Variants in RBFOX1 observed in about 807,000 individuals in gnomAD.
RBFOX1 encodes the protein RNA binding fox-1 homolog 1.
In RBFOX1, 8 loss-of-function variants were observed where a neutral mutation model predicts 57.7. That is an observed-to-expected ratio of 0.14 (90% confidence interval 0.08 to 0.25). The LOEUF (loss-of-function observed/expected upper bound fraction) is 0.25. RBFOX1 is among the 10% of genes least tolerant of loss of function. The pLI is 1.00. For synonymous variants in RBFOX1, 326 were observed against 222.4 expected (o/e 1.47, Z -4.15); for missense variants, 611 against 548.5 (o/e 1.11, Z -1.14).
In RBFOX1 at chr16:7,710,844, TAAAAA is replaced by T; in HGVS notation, c.*109_*113del. Reference sequence around the variant, plus strand: ...CAGTAGTACATCATTTTAGCAACTCTAAAAAAAAAAAAAATACAAATAAAAAGGAA... The same window carrying T: ...CAGTAGTACATCATTTTAGCAACTCTAAAAAAAAATACAAATAAAAAGGAA... On this transcript the variant is annotated 3_prime_UTR_variant, in exon 16 of 16. Coordinates refer to ENST00000550418, the MANE Select transcript of RBFOX1 (RefSeq NM_018723.4). 1.2e-6 allele frequency: 1 copy of T among 826,696 alleles called. No individual in the cohort carries two copies. The highest frequency in any genetic ancestry group is 1.6e-6 in the Non-Finnish European group (1 of 620,352). The allele number at this position is 826,696 out of a possible 1,614,324, so 51.2% of individuals were successfully genotyped here.
At chr16:5,392,491 A>G (rs960752444) in intron 1 of RBFOX1, among the ~76,000 whole-genome samples, 7 of 151,388 alleles carry the variant, frequency 4.6e-5, no homozygotes, top group Admixed American at 2.0e-4. Flanking sequence ...TGTCTACCCA[A>G]TGTGGGATGG....
At chr16:6,511,152 C>T (rs777915869) in intron 2 of RBFOX1, among the ~76,000 whole-genome samples, 8 of 152,104 alleles carry the variant, frequency 5.3e-5, no homozygotes, top group South Asian at 4.1e-4. Flanking sequence ...TGGTGTTACG[C>T]TGGGTTGGTG....
chr16:6,753,442 G>T (rs1346961415), intron 3 of RBFOX1, among the ~76,000 whole-genome samples: 10 of 152,144 alleles, frequency 6.6e-5, no homozygotes. Flanking sequence ...ATTTAGGGAT[G>T]CTTTCAGGAC....
At chr16:6,615,729 T>A (rs1374522282) in intron 2 of RBFOX1, among the ~76,000 whole-genome samples, 1 of 152,192 alleles carries the variant, frequency 6.6e-6, no homozygotes, top group African/African-American at 2.4e-5. Flanking sequence ...TTTCCCTCCT[T>A]TGAAAGTCTC....
At chr16:6,344,083 A>G (rs1238016083) in intron 2 of RBFOX1, among the ~76,000 whole-genome samples, 3 of 152,188 alleles carry the variant, frequency 2.0e-5, no homozygotes, top group African/African-American at 7.2e-5. Context: ...GATATGCATC[A>G]TGGAAACTGT....
intron 2 of RBFOX1, among the ~76,000 whole-genome samples, chr16:6,488,001 A>G (rs2095544003): frequency 6.6e-6 from 1 of 152,064 alleles, no homozygotes; most frequent in South Asian, 2.1e-4. Flanking sequence ...GTACACAGAC[A>G]CAGATATACA....
intron 3 of RBFOX1, among the ~76,000 whole-genome samples, chr16:5,630,033 G>T (rs2048456724): frequency 2.0e-5 from 3 of 152,198 alleles, no homozygotes; most frequent in Non-Finnish European, 1.5e-5. Context: ...CTTTGCAGGA[G>T]ATCAATGCAG....
intron 11 of RBFOX1, among the ~76,000 whole-genome samples, chr16:7,652,333 A>C (rs2065242894): frequency 6.6e-6 from 1 of 152,130 alleles, no homozygotes; most frequent in South Asian, 2.1e-4. Context: ...CATCAGGCTT[A>C]ATTCCCCTTC....
At chr16:5,680,119 G>A (rs75090499) in intron 3 of RBFOX1, among the ~76,000 whole-genome samples, 3,399 of 152,288 alleles carry the variant, frequency 0.022, 115 homozygotes, top group African/African-American at 0.077. Context: ...GACATCATGA[G>A]ACTGGCAGAG....
chr16:7,380,034 A>T (rs1042648444), intron 4 of RBFOX1, among the ~76,000 whole-genome samples: 3 of 152,066 alleles, frequency 2.0e-5, no homozygotes, highest in Non-Finnish European at 4.4e-5. Flanking sequence ...TTTAAAGAAA[A>T]TTTTTAGAGA....
chr16:5,865,179 C>T (rs577179223), intron 3 of RBFOX1, among the ~76,000 whole-genome samples: 2 of 152,270 alleles, frequency 1.3e-5, no homozygotes, highest in South Asian at 2.1e-4. Flanking sequence ...GCCCAAGGCT[C>T]ATAGCTGTTG....
rs34916559 is a variant in RBFOX1 at position 6,681,671 on chromosome 16, G to GAA, written c.-16+27036_-16+27037dup. On this transcript the variant is annotated intron_variant, in intron 3 of 15. Coordinates refer to ENST00000550418, the MANE Select transcript of RBFOX1 (RefSeq NM_018723.4). Reference sequence around the variant, plus strand: ...CCCCTCCACAATGGTCATTTAACCAGAAAAAAAAAAAAAAAATCTTTCTCC... The same window carrying GAA: ...CCCCTCCACAATGGTCATTTAACCAGAAAAAAAAAAAAAAAAAATCTTTCTCC... Among the ~76,000 whole-genome samples the GAA allele has an allele frequency of 6.5e-3, 943 of 145,470 alleles. 4 individuals are homozygous for GAA. The highest frequency in any genetic ancestry group is 0.011 in the Middle Eastern group (3 of 284).
intron 3 of RBFOX1, among the ~76,000 whole-genome samples, chr16:7,050,919 G>C (rs954451934): frequency 6.6e-6 from 1 of 152,064 alleles, no homozygotes; most frequent in African/African-American, 2.4e-5. Flanking sequence ...GAAAAGCACT[G>C]ATTTATAGAT....
At chr16:7,162,768 A>G (rs1305063067) in intron 4 of RBFOX1, among the ~76,000 whole-genome samples, 3 of 152,116 alleles carry the variant, frequency 2.0e-5, no homozygotes, top group Non-Finnish European at 2.9e-5. Context: ...CTAGATAAAT[A>G]CAAGGCAAAT....
intron 4 of RBFOX1, among the ~76,000 whole-genome samples, chr16:7,086,339 G>A (rs989784902): frequency 6.6e-6 from 1 of 152,086 alleles, no homozygotes; most frequent in Non-Finnish European, 1.5e-5. Context: ...TCAGACCTGA[G>A]CAAGAGATAA....
chr16:6,896,044 G>A (rs1391865824), intron 3 of RBFOX1, among the ~76,000 whole-genome samples: 1 of 152,066 alleles, frequency 6.6e-6, no homozygotes, highest in East Asian at 1.9e-4. Context: ...AGGCCGAGGT[G>A]GGCAGATCAT....
chr16:6,587,200 T>A (rs1224664207), intron 2 of RBFOX1, among the ~76,000 whole-genome samples: 1 of 152,176 alleles, frequency 6.6e-6, no homozygotes, highest in Non-Finnish European at 1.5e-5. Flanking sequence ...TCCGCACTGG[T>A]AACCACCATT....
intron 3 of RBFOX1, among the ~76,000 whole-genome samples, chr16:5,740,822 C>G (rs1310032996): frequency 6.6e-6 from 1 of 152,114 alleles, no homozygotes; most frequent in Non-Finnish European, 1.5e-5. Flanking sequence ...TTTAGTATGT[C>G]TTGTGGCGTC....
intron 4 of RBFOX1, among the ~76,000 whole-genome samples, chr16:7,491,777 C>T (rs1195879916): frequency 2.0e-5 from 3 of 152,136 alleles, no homozygotes; most frequent in African/African-American, 7.2e-5. Context: ...ACCGCAGGCA[C>T]ATGCCACCAT....
Sources: gnomAD v4.1 joint callset for allele counts (sites outside exome capture counted in the v4.1 genomes callset) on GRCh38, gnomAD v4.1.1 for gene constraint, MANE v1.5 for transcripts, NCBI Gene and HGNC (gene_info 2026-07-23, HGNC 2026-07-21) for gene names.